NEMF: variants seen among roughly 807,000 people sequenced by gnomAD.
NEMF encodes ribosome quality control complex subunit NEMF.
Under a neutral mutation model 162.2 loss-of-function variants are expected in NEMF, and 89 were observed. That is an observed-to-expected ratio of 0.55 (90% confidence interval 0.46 to 0.65). NEMF has a LOEUF of 0.65. Ranked by LOEUF, NEMF falls within the 30% of genes least tolerant of loss-of-function variation. The pLI is 0.00. For missense variants in NEMF, 1,133 were observed against 1,261.9 expected (o/e 0.90, Z 1.55); for synonymous variants, 421 against 404.5 (o/e 1.04, Z -0.49).
intron 16 of NEMF, among the ~76,000 whole-genome samples, chr14:49,818,084 CT>C (rs983729819): frequency 0.059 from 7,857 of 132,306 alleles, 219 homozygotes; most frequent in African/African-American, 0.07. Context: ...AGTGATGAGA[CT>C]TTTTTTTTTT....
chr14:49,800,824 G>C (rs568000088), intron 22 of NEMF, 128 bp from the exon 23 acceptor site: 38 of 841,758 alleles, frequency 4.5e-5, no homozygotes, highest in Non-Finnish European at 6.5e-5. Context: ...AAAAGTGTCT[G>C]ATCATTCCCA....
At chr14:49,845,989 AATTTT>A (rs1056752669) in intron 4 of NEMF, 146 bp downstream of exon 4, 21 of 609,196 alleles carry the variant, frequency 3.4e-5, no homozygotes, top group Non-Finnish European at 4.9e-5. Flanking sequence ...ATTACTGGAA[AATTTT>A]ATTTTATTTG....
At position 49,826,036 on chromosome 14, in the gene NEMF, T is replaced by G. The variant is rs996793517; in HGVS notation, c.1489-81A>C. On this transcript the variant is annotated intron_variant, in intron 15 of 32. Transcript: ENST00000298310. ...CCAAAGTAAATAATGGGGCAAGAAT[T>G]TTTTTAAATGTCACAAAATGGCACA... 6.8e-6 allele frequency: 6 copies of G among 880,464 alleles called. No homozygotes were observed. In the African/African-American group the frequency reaches 8.5e-5, roughly 12 times the overall value. The allele number at this position is 880,464 out of a possible 1,614,324, so 54.5% of individuals were successfully genotyped here.
Position 49,852,744 on chromosome 14 carries a change from G to A in NEMF, c.10C>T (p.Arg4Cys), listed in dbSNP as rs758653072. The A allele has an allele frequency of 2.5e-6, 4 of 1,614,214 alleles. No individual in the cohort carries two copies. Among genetic ancestry groups the A allele is most frequent in the Admixed American group, 1.7e-5 (1 of 60,020 alleles). The change falls in exon 1 of 33, where the codon CGC becomes TGC. Residue 4 changes from arginine to cysteine, a missense_variant. Transcript: ENST00000298310. MKS[R>C]FSTIDLRAVL... The stretch of plus-strand genomic sequence containing the variant: ...GCGCGGAGGTCAATGGTGCTAAAGC[G>A]GCTCTTCATGGCGAGGCCCGAGGGT...
Position 49,784,673 on chromosome 14 carries a change from A to G in NEMF, c.3194T>C (p.Val1065Ala). Residue 1065 changes from valine to alanine, a missense_variant, in exon 33 of 33, where the codon GTG (valine) becomes GCG (alanine). Transcript: ENST00000298310. The part of the protein sequence containing the change: ...LSRNIPGKVK[V>A]SAPNLLNVKR... Reference sequence around the variant, plus strand: ...TACGTTCAGAAGATTGGGTGCAGACACTTTCACTTTGCCAGGAATGTTTCT... The same window carrying G: ...TACGTTCAGAAGATTGGGTGCAGACGCTTTCACTTTGCCAGGAATGTTTCT... The G allele has an allele frequency of 6.2e-7, 1 of 1,612,720 alleles. No homozygotes were observed. Among genetic ancestry groups the G allele is most frequent in the Non-Finnish European group, 8.5e-7 (1 of 1,179,246 alleles).
rs761035742 is a variant in NEMF, at chr14:49,820,494, C to T, written c.1577+5373G>A. ...TATCAAGAGCTAATAATCGGCTGGG[C>T]GCGGTGGCTCATGCCTATAATCCCG... On this transcript the variant is annotated intron_variant, in intron 16 of 32. Transcript: ENST00000298310. The T allele has an allele frequency of 2.5e-4, 116 of 456,266 alleles. 2 individuals carry two copies. The highest frequency in any genetic ancestry group is 1.8e-3 in the South Asian group (115 of 64,522). 28.3% of individuals were successfully genotyped at this position (456,266 alleles called of 1,614,324 possible). A position where few individuals can be genotyped will look rare whatever the true frequency, so the allele number is the denominator to read the frequency against.
At chr14:49,830,165 T>G (rs575703973) in intron 11 of NEMF, among the ~76,000 whole-genome samples, 79 of 152,334 alleles carry the variant, frequency 5.2e-4, no homozygotes, top group African/African-American at 1.7e-3. Flanking sequence ...TTTTAAAATT[T>G]AGATAAGAAT....
chr14:49,846,147 T>A lies in NEMF; in HGVS notation c.350A>T (p.Tyr117Phe), dbSNP rs1404155639. ...CCCACAAATTTAACTTACCCTATCA[T>A]AGAGCTCAATGATTAAATGGTAAGC... ...EAAYHLIIEL[Y>F]DRGNIVLTDY... The change falls in exon 4 of 33, where the codon TAT (tyrosine) becomes TTT (phenylalanine). Residue 117 changes from tyrosine to phenylalanine, a missense_variant. This residue lies in a region of NEMF where 582 missense variants were observed against 631.5 expected (regional missense o/e 0.92). Coordinates refer to ENST00000298310, the MANE Select transcript of NEMF (RefSeq NM_004713.6). The A allele has an allele frequency of 8.1e-6, 13 of 1,613,196 alleles. No homozygotes were observed. Among genetic ancestry groups the A allele is most frequent in the Non-Finnish European group, 1.1e-5 (13 of 1,179,626 alleles).
At position 49,785,315 on chromosome 14, in the gene NEMF, G is replaced by A. The variant is rs1402150551; in HGVS notation, c.2934C>T (p.Asn978=). The A allele has an allele frequency of 1.2e-6, 2 of 1,612,742 alleles. No individual in the cohort carries two copies. The highest frequency in any genetic ancestry group is 1.7e-6 in the Non-Finnish European group (2 of 1,179,078). ...GCTGGCCTGTCAAAGAATCAAATAG[G>A]TTTTCCTAAAAAGGGAAAATAACAG... ...QDLDQQGNEE[N]LFDSLTGQPH... is the part of the protein sequence containing the mutation. The change falls in exon 30 of 33, where the codon AAC becomes AAT. Residue 978 remains asparagine (N), a synonymous_variant. Coordinates refer to ENST00000298310, the MANE Select transcript of NEMF (RefSeq NM_004713.6).
intron 16 of NEMF, chr14:49,818,353 A>G (rs995838333): frequency 1.3e-5 from 2 of 152,212 alleles, no homozygotes; most frequent in African/African-American, 4.8e-5. Context: ...CGGCCTCCCA[A>G]AGTGCTGGGA....
chr14:49,787,304 G>C (rs960524479), intron 28 of NEMF: 1 of 152,688 alleles, frequency 6.5e-6, no homozygotes. Context: ...AGAAACAACA[G>C]AAATTTTACT....
At chr14:49,819,803 C>T (rs938459199) in intron 16 of NEMF, among the ~76,000 whole-genome samples, 3 of 152,138 alleles carry the variant, frequency 2.0e-5, no homozygotes, top group Non-Finnish European at 4.4e-5. Flanking sequence ...TACCCAAAAT[C>T]TGTGTGTTTT....
chr14:49,802,730 A>G lies in NEMF; in HGVS notation c.1916-3T>C. ...GGGAGGAAGAAAATTCTTTTTTCCT[A>G]CAAAAGATAACGTACATTAATGCTT... On this transcript the variant is annotated splice_region_variant and splice_polypyrimidine_tract_variant and intron_variant, in intron 20 of 32. Coordinates refer to ENST00000298310, the MANE Select transcript of NEMF (RefSeq NM_004713.6). The G allele has an allele frequency of 6.2e-7, 1 of 1,605,666 alleles. No individual in the cohort carries two copies. Among genetic ancestry groups the G allele is most frequent in the South Asian group, 1.1e-5 (1 of 90,458 alleles).
intron 15 of NEMF, 137 bp from the exon 16 acceptor site, chr14:49,826,092 ACAC>A: frequency 1.8e-6 from 1 of 554,930 alleles, no homozygotes; most frequent in Non-Finnish European, 3.2e-6. Flanking sequence ...ACACACACAC[ACAC>A]AAATACGCAT....
intron 16 of NEMF, among the ~76,000 whole-genome samples, chr14:49,823,921 C>G (rs1166200324): frequency 1.3e-5 from 2 of 152,188 alleles, no homozygotes; most frequent in Non-Finnish European, 2.9e-5. Flanking sequence ...GTAATCCCAG[C>G]ATTTTGGGAG....
intron 15 of NEMF, among the ~76,000 whole-genome samples, chr14:49,826,418 G>A (rs1432813535): frequency 6.6e-6 from 1 of 151,730 alleles, no homozygotes; most frequent in African/African-American, 2.4e-5. Context: ...AATATAACAA[G>A]GAAACCCGAT....
Position 49,782,705 on chromosome 14 carries a change from G to T in NEMF, c.*1931C>A. The T allele has an allele frequency of 1.5e-6, 2 of 1,378,358 alleles. No individual in the cohort carries two copies. Among genetic ancestry groups the T allele is most frequent in the Non-Finnish European group, 2.0e-6 (2 of 1,004,056 alleles). The allele number at this position is 1,378,358 out of a possible 1,614,324, so 85.4% of individuals were successfully genotyped here. ...TATTTAAGGGCAATAAAACTTCATT[G>T]CTATAACCAGTTCCTATGAAAATCT... is the stretch of plus-strand genomic sequence containing the variant. On this transcript the variant is annotated 3_prime_UTR_variant, in exon 33 of 33. Coordinates refer to ENST00000298310, the MANE Select transcript of NEMF (RefSeq NM_004713.6).
chr14:49,841,037 A>C (rs1156647231), intron 4 of NEMF, among the ~76,000 whole-genome samples, 171 bp from the exon 5 acceptor site: 1 of 151,710 alleles, frequency 6.6e-6, no homozygotes. Context: ...TCTCTACTAA[A>C]AATACAAAAG....
In NEMF at chr14:49,784,592, C is replaced by G; in HGVS notation, c.*44G>C. The G allele has an allele frequency of 7.4e-7, 1 of 1,351,764 alleles. No individual in the cohort carries two copies. Among genetic ancestry groups the G allele is most frequent in the East Asian group, 2.3e-5 (1 of 43,450 alleles). The allele number at this position is 1,351,764 out of a possible 1,614,324, so 83.7% of individuals were successfully genotyped here. A position where few individuals can be genotyped will look rare whatever the true frequency, so the allele number is the denominator to read the frequency against. On this transcript the variant is annotated 3_prime_UTR_variant, in exon 33 of 33. Coordinates refer to ENST00000298310, the MANE Select transcript of NEMF (RefSeq NM_004713.6). ...CTTTCATCTTTGAACTTCCAAAAGG[C>G]TATAAAATTGGCTCTTCTCAAATAT...
Sources: allele counts gnomAD v4.1 joint callset (sites outside exome capture counted in the v4.1 genomes callset), GRCh38; gene constraint gnomAD v4.1.1; regional missense constraint gnomAD v4.1.1; transcripts MANE v1.5; gene names NCBI Gene and HGNC (gene_info 2026-07-23, HGNC 2026-07-21).